Variants in SCN4B observed in about 807,000 individuals in gnomAD.
The protein encoded by SCN4B is sodium channel regulatory subunit beta-4.
A neutral mutation model predicts 19.6 loss-of-function variants in SCN4B; 20 were observed. The ratio of observed to expected loss-of-function variants is 1.02; its 90% CI spans 0.72 to 1.48. The LOEUF is 1.48. Among genes scored for constraint, SCN4B ranks in the 40% most tolerant of loss-of-function variants. SCN4B has a pLI of 0.00. For missense variants in SCN4B, 271 were observed against 287.5 expected, an observed-to-expected ratio of 0.94 and a Z score of 0.42; for synonymous variants, 127 against 122.8, an observed-to-expected ratio of 1.03 and a Z score of -0.22.
chr11:118,145,076 CTGT>C lies in SCN4B; in HGVS notation c.212_214del (p.Asn71del). On this transcript the variant is annotated inframe_deletion, in exon 2 of 5. Coordinates refer to ENST00000324727, the MANE Select transcript of SCN4B (RefSeq NM_174934.4). ...ACTTACAATCTTGAATGCGTCACTG[CTGT>C]TGTAGGTCCACCGGAAGTGGAGGTC... is the stretch of plus-strand genomic sequence containing the variant. 1 of 1,614,124 alleles carries C rather than the reference CTGT, an allele frequency of 6.2e-7. No homozygotes were observed. The highest frequency in any genetic ancestry group is 1.1e-5 in the South Asian group (1 of 91,080).
chr11:118,135,860 C>G lies in SCN4B; in HGVS notation c.*1167G>C, dbSNP rs910822107. The G allele has an allele frequency of 2.2e-6, 1 of 454,322 alleles. No homozygotes were observed. The allele number at this position is 454,322 out of a possible 1,614,324, so 28.1% of individuals were successfully genotyped here. On this transcript the variant is annotated 3_prime_UTR_variant, in exon 5 of 5. Coordinates refer to ENST00000324727, the MANE Select transcript of SCN4B (RefSeq NM_174934.4). Reference sequence around the variant, plus strand: ...AGCAAAGGAAAACTGTGGGCACCCACTCCCTGCTCCTCCCCAACCCCAGGG... The same window carrying G: ...AGCAAAGGAAAACTGTGGGCACCCAGTCCCTGCTCCTCCCCAACCCCAGGG...
chr11:118,136,044 G>A lies in SCN4B; in HGVS notation c.*983C>T, dbSNP rs773412025. ...GCGTGATGGAGGGCACGGTGGGGGGGGGGGAGCGAGCCAATGGGAGGTTGG... is the reference window on the plus strand; with the variant it reads ...GCGTGATGGAGGGCACGGTGGGGGGAGGGGAGCGAGCCAATGGGAGGTTGG... On this transcript the variant is annotated 3_prime_UTR_variant, in exon 5 of 5. Coordinates refer to ENST00000324727, the MANE Select transcript of SCN4B (RefSeq NM_174934.4). The A allele has an allele frequency of 2.5e-5, 11 of 435,988 alleles. 1 individual carries two copies. The highest frequency in any genetic ancestry group is 6.4e-5 in the South Asian group (4 of 62,092). The allele number at this position is 435,988 out of a possible 1,614,324, so 27.0% of individuals were successfully genotyped here.
At chr11:118,152,244 A>G (rs1948240383) in intron 1 of SCN4B, among the ~76,000 whole-genome samples, 1 of 152,264 alleles carries the variant, frequency 6.6e-6, no homozygotes, top group African/African-American at 2.4e-5. Context: ...TCACACGTGC[A>G]ACCCACCTGG....
intron 4 of SCN4B, among the ~76,000 whole-genome samples, chr11:118,140,748 TC>T (rs1431503705): frequency 1.3e-5 from 2 of 152,190 alleles, no homozygotes; most frequent in Non-Finnish European, 2.9e-5. Flanking sequence ...AAACATCACC[TC>T]CATCTGAATT....
In SCN4B at chr11:118,137,094, C is replaced by A; in HGVS notation, c.620G>T (p.Gly207Val). Residue 207 changes from glycine to valine, a missense_variant, in exon 5 of 5, where the codon GGG becomes GTG. By Grantham distance (109) the Gly-to-Val change is moderately radical (BLOSUM62 -3). Transcript: ENST00000324727. The part of the protein sequence containing the change: ...KKKECLVSSS[G>V]NDNTENGLPG... The stretch of plus-strand genomic sequence containing the variant: ...CAAGCCGTTCTCCGTGTTGTCATTC[C>A]CCGAGGAGCTCACGAGACACTCCTT... The A allele has an allele frequency of 1.2e-6, 2 of 1,613,944 alleles. No individual in the cohort carries two copies. Among genetic ancestry groups the A allele is most frequent in the Non-Finnish European group, 1.7e-6 (2 of 1,179,830 alleles).
In SCN4B at chr11:118,141,347, C is replaced by T. The variant is rs773494545; in HGVS notation, c.464-11G>A. On this transcript the variant is annotated splice_polypyrimidine_tract_variant and intron_variant, in intron 3 of 4. Coordinates refer to ENST00000324727, the MANE Select transcript of SCN4B (RefSeq NM_174934.4). ...TGTCCACTTCTTCCACTGTGTGGCCCGAGTAGGGAGGAAAGGGAAGGCACA... is the reference window on the plus strand; with the variant it reads ...TGTCCACTTCTTCCACTGTGTGGCCTGAGTAGGGAGGAAAGGGAAGGCACA... The T allele has an allele frequency of 3.7e-6, 6 of 1,612,100 alleles. No individual in the cohort carries two copies. The Admixed American group carries it at 5.0e-5, about 13-fold the overall frequency.
At chr11:118,145,585 G>T in intron 1 of SCN4B, 1 of 700,878 alleles carries the variant, frequency 1.4e-6, no homozygotes, top group Non-Finnish European at 2.0e-6. Context: ...CGCTCCTGCC[G>T]CACCCACTCC....
rs1436468286 is a variant in SCN4B at position 118,134,791 on chromosome 11, C to T, written c.*2236G>A. ...TCCCTGCAATTAATACCTGGCTTCC[C>T]AGATCCCTTTCCAAGCCAAAAAGAT... is the stretch of plus-strand genomic sequence containing the variant. On this transcript the variant is annotated 3_prime_UTR_variant, in exon 5 of 5. Transcript: ENST00000324727. The T allele has an allele frequency of 2.2e-6, 1 of 453,942 alleles. No homozygotes were observed. Among genetic ancestry groups the T allele is most frequent in the African/African-American group, 2.0e-5 (1 of 49,984 alleles). 28.1% of individuals were successfully genotyped at this position (453,942 alleles called of 1,614,324 possible).
At chr11:118,141,740 C>A (rs188530356) in intron 3 of SCN4B, 30 of 240,004 alleles carry the variant, frequency 1.2e-4, no homozygotes, top group Middle Eastern at 1.7e-3. Context: ...CCTATGATAC[C>A]TCTTAGATGG....
chr11:118,151,149 C>CACAT (rs1948229967), intron 1 of SCN4B, among the ~76,000 whole-genome samples: 1 of 138,962 alleles, frequency 7.2e-6, no homozygotes, highest in Admixed American at 7.2e-5. Context: ...CACACACACA[C>CACAT]ACATCATTTT....
chr11:118,152,753 G>A lies in SCN4B; in HGVS notation c.-80C>T, dbSNP rs1005855309. 17 of 1,181,638 alleles carry A rather than the reference G, an allele frequency of 1.4e-5. No individual in the cohort carries two copies. The African/African-American group carries it at 2.6e-4, about 18-fold the overall frequency. 73.2% of individuals were successfully genotyped at this position (1,181,638 alleles called of 1,614,324 possible). A position where few individuals can be genotyped will look rare whatever the true frequency, so the allele number is the denominator to read the frequency against. On this transcript the variant is annotated 5_prime_UTR_variant, in exon 1 of 5. The change creates a new upstream start codon in the 5' untranslated region. Transcript: ENST00000324727. The stretch of plus-strand genomic sequence containing the variant: ...GCCGCGCTCTCCGCCCGAGGTCGGC[G>A]TTCGGCCACAAAGCTACCCCGGAGC...
At chr11:118,143,734 C>T (rs1792105031) in intron 3 of SCN4B, 99 bp downstream of exon 3, 1 of 830,728 alleles carries the variant, frequency 1.2e-6, no homozygotes, top group Non-Finnish European at 2.0e-6. Context: ...CAAAAGAAAA[C>T]ACCAACACGG....
In SCN4B at chr11:118,145,430, G is replaced by A. The variant is rs531079633; in HGVS notation, c.62-201C>T. On this transcript the variant is annotated intron_variant, in intron 1 of 4. Transcript: ENST00000324727. ...CATTCTCCATTTCTCCCCTGGAAAG[G>A]ACTGAATTCTGGACCAGGGAGTAGC... The A allele has an allele frequency of 1.4e-5, 21 of 1,507,024 alleles. No individual in the cohort carries two copies. In the Admixed American group the frequency reaches 3.2e-4, roughly 23 times the overall value. 93.4% of individuals were successfully genotyped at this position (1,507,024 alleles called of 1,614,324 possible).
intron 2 of SCN4B, 66 bp from the exon 3 acceptor site, chr11:118,144,127 G>C (rs1354385235): frequency 9.4e-7 from 1 of 1,067,264 alleles, no homozygotes; most frequent in African/African-American, 1.5e-5. Context: ...CAAGGGTCAT[G>C]ACATCACACC....
chr11:118,150,952 ACT>A (rs1287620893), intron 1 of SCN4B, among the ~76,000 whole-genome samples: 4 of 152,010 alleles, frequency 2.6e-5, no homozygotes, highest in Non-Finnish European at 2.9e-5. Context: ...CCTACAAGTC[ACT>A]CTGCTTTCTC....
At chr11:118,141,030 G>A (rs575860285) in intron 4 of SCN4B, among the ~76,000 whole-genome samples, 177 bp downstream of exon 4, 7 of 151,988 alleles carry the variant, frequency 4.6e-5, no homozygotes, top group African/African-American at 7.2e-5. Context: ...TGAGGAAGAG[G>A]GAAAGCGATG....
chr11:118,138,441 C>A (rs996593661), intron 4 of SCN4B, among the ~76,000 whole-genome samples: 2 of 152,112 alleles, frequency 1.3e-5, no homozygotes, highest in African/African-American at 4.8e-5. Flanking sequence ...CAGGTGGAGC[C>A]CTGTGGAATA....
rs964941000 is a variant in SCN4B, at chr11:118,136,230, G to A, written c.*797C>T. ...CCCAGGACACTGGCTCACTACCTCT[G>A]TGGCCCAATTCCCCAAGTAGAAATG... On this transcript the variant is annotated 3_prime_UTR_variant, in exon 5 of 5. Coordinates refer to ENST00000324727, the MANE Select transcript of SCN4B (RefSeq NM_174934.4). 2 of 453,684 alleles carry A rather than the reference G, an allele frequency of 4.4e-6. No homozygotes were observed. Among genetic ancestry groups the A allele is most frequent in the African/African-American group, 2.0e-5 (1 of 49,886 alleles). The allele number at this position is 453,684 out of a possible 1,614,324, so 28.1% of individuals were successfully genotyped here.
At chr11:118,151,190 G>A (rs996688670) in intron 1 of SCN4B, among the ~76,000 whole-genome samples, 5 of 152,080 alleles carry the variant, frequency 3.3e-5, no homozygotes, top group Non-Finnish European at 7.4e-5. Flanking sequence ...ACAGAGGCCT[G>A]GTTCTATGAG....
Sources: allele counts gnomAD v4.1 joint callset (sites outside exome capture counted in the v4.1 genomes callset), GRCh38; gene constraint gnomAD v4.1.1; transcripts MANE v1.5; gene names NCBI Gene and HGNC (gene_info 2026-07-23, HGNC 2026-07-21).